The following DISC1 variants were observed in gnomAD, a reference collection of about 807,000 sequenced individuals.
DISC1 encodes disrupted in schizophrenia 1 protein.
A neutral mutation model predicts 84.5 loss-of-function variants in DISC1; 57 were observed. The observed-to-expected ratio is 0.67, with a 90% CI of 0.55 to 0.84. The LOEUF is 0.84. Among genes scored for constraint, DISC1 ranks in the 40% least tolerant of loss-of-function variants. DISC1 has a pLI of 0.00. For missense variants in DISC1, 1,000 were observed against 1,057.8 expected (o/e 0.95, Z 0.76); for synonymous variants, 411 against 415.2 (o/e 0.99, Z 0.12).
chr1:231,965,200 AAAT>A (rs1322536975), intron 10 of DISC1, among the ~76,000 whole-genome samples: 2 of 152,244 alleles, frequency 1.3e-5, no homozygotes, highest in Admixed American at 1.3e-4. Flanking sequence ...AAAAGTGGAC[AAAT>A]ATTACATGAG....
intron 7 of DISC1, among the ~76,000 whole-genome samples, chr1:231,797,979 AG>A (rs1442913374): frequency 6.6e-6 from 1 of 151,998 alleles, no homozygotes; most frequent in Non-Finnish European, 1.5e-5. Flanking sequence ...ATTAGTCCAC[AG>A]AGAATTAAAA....
intron 9 of DISC1, among the ~76,000 whole-genome samples, chr1:231,902,922 G>T (rs2088302905): frequency 6.6e-6 from 1 of 152,160 alleles, no homozygotes. Flanking sequence ...AATGAAGGAT[G>T]CTGAGCCTGT....
chr1:231,980,013 A>G (rs1663370235), intron 10 of DISC1, among the ~76,000 whole-genome samples: 2 of 152,208 alleles, frequency 1.3e-5, no homozygotes, highest in African/African-American at 4.8e-5. Context: ...ATTTTTAAGC[A>G]TATGTAACAC....
At chr1:231,702,061 A>G (rs375059537) in intron 3 of DISC1, 37 bp downstream of exon 3, 10 of 1,591,004 alleles carry the variant, frequency 6.3e-6, no homozygotes, top group African/African-American at 2.7e-5. Flanking sequence ...TTTTGTCATC[A>G]TGTCCCAATT....
At chr1:231,798,318 G>C (rs1453868773) in intron 7 of DISC1, among the ~76,000 whole-genome samples, 5 of 152,110 alleles carry the variant, frequency 3.3e-5, no homozygotes, top group Non-Finnish European at 7.4e-5. Flanking sequence ...GTAGATATTA[G>C]ATTACATCCA....
At chr1:231,832,735 A>G (rs1240103940) in intron 9 of DISC1, among the ~76,000 whole-genome samples, 1 of 146,216 alleles carries the variant, frequency 6.8e-6, no homozygotes, top group Non-Finnish European at 1.5e-5. Context: ...GGTATTGAGG[A>G]TAGGAGAGTA....
chr1:231,821,189 A>G (rs1026177365), intron 9 of DISC1, among the ~76,000 whole-genome samples: 10 of 152,210 alleles, frequency 6.6e-5, no homozygotes, highest in African/African-American at 2.4e-4. Flanking sequence ...AAAATGACAC[A>G]TGAATGAGTC....
intron 10 of DISC1, among the ~76,000 whole-genome samples, chr1:231,985,469 G>A (rs1049650734): frequency 1.3e-5 from 2 of 152,030 alleles, no homozygotes; most frequent in Middle Eastern, 3.2e-3. Context: ...CCTGCCATTC[G>A]TAGCAGCAGG....
At chr1:231,924,099 G>C (rs182546851) in intron 9 of DISC1, among the ~76,000 whole-genome samples, 2 of 152,138 alleles carry the variant, frequency 1.3e-5, no homozygotes, top group African/African-American at 4.8e-5. Context: ...TTGAATCACA[G>C]AATTTAAAGA....
intron 8 of DISC1, among the ~76,000 whole-genome samples, chr1:231,801,821 G>GTTT (rs1270795717): frequency 7.2e-6 from 1 of 139,480 alleles, no homozygotes; most frequent in South Asian, 2.3e-4. Context: ...AAGGATCTTG[G>GTTT]TTTTTTTTTT....
At chr1:231,699,816 A>T (rs2124863120) in intron 2 of DISC1, among the ~76,000 whole-genome samples, 1 of 152,276 alleles carries the variant, frequency 6.6e-6, no homozygotes, top group Admixed American at 6.5e-5. Context: ...TCTCTTCTTG[A>T]CACAGTCCTC....
At position 232,039,555 on chromosome 1, in the gene DISC1, G is replaced by A. The variant is rs1230359561; in HGVS notation, c.*2724G>A. The A allele has an allele frequency of 6.6e-6, 1 of 151,994 alleles. No individual in the cohort carries two copies. Among genetic ancestry groups the A allele is most frequent in the Non-Finnish European group, 1.5e-5 (1 of 68,020 alleles). 9.4% of individuals were successfully genotyped at this position (151,994 alleles called of 1,614,324 possible). ...TCTGTTGTCTTTGCTTGGTCTTAGA[G>A]TATCATTCAGAAAGTCCGCTAAGGG... On this transcript the variant is annotated 3_prime_UTR_variant, in exon 13 of 13. Transcript: ENST00000439617.
intron 9 of DISC1, among the ~76,000 whole-genome samples, chr1:231,914,299 G>A (rs1328540488): frequency 6.6e-6 from 1 of 152,248 alleles, no homozygotes; most frequent in African/African-American, 2.4e-5. Flanking sequence ...ATTGGATACT[G>A]TTGTGTCCCC....
At chr1:231,913,753 T>G (rs1430989886) in intron 9 of DISC1, among the ~76,000 whole-genome samples, 2 of 152,230 alleles carry the variant, frequency 1.3e-5, no homozygotes, top group Non-Finnish European at 2.9e-5. Context: ...CACAGCTTCC[T>G]TTGACAAGTA....
At chr1:231,747,329 C>T (rs1347275214) in intron 3 of DISC1, among the ~76,000 whole-genome samples, 1 of 152,122 alleles carries the variant, frequency 6.6e-6, no homozygotes, top group East Asian at 1.9e-4. Context: ...AAATCTTATT[C>T]ATAAAATGTT....
chr1:231,702,102 T>G (rs2066500812), intron 3 of DISC1, 78 bp downstream of exon 3: 1 of 1,536,108 alleles, frequency 6.5e-7, no homozygotes, highest in Non-Finnish European at 8.7e-7. Flanking sequence ...ATCTACCTTT[T>G]GAATCCCAAA....
intron 3 of DISC1, among the ~76,000 whole-genome samples, chr1:231,707,975 A>G (rs1370910867): frequency 2.6e-5 from 4 of 152,226 alleles, no homozygotes; most frequent in Non-Finnish European, 4.4e-5. Flanking sequence ...GTGAGTTTTC[A>G]GTTGTGTCAT....
chr1:231,916,547 C>T (rs3926789), intron 9 of DISC1, among the ~76,000 whole-genome samples: 117,487 of 147,982 alleles, frequency 0.79, 46,966 homozygotes, highest in East Asian at 0.91. Context: ...CCCAGCTACT[C>T]GGGAGGCTGA....
chr1:231,922,285 G>A (rs892325362), intron 9 of DISC1, among the ~76,000 whole-genome samples: 26 of 152,154 alleles, frequency 1.7e-4, no homozygotes, highest in African/African-American at 6.0e-4. Flanking sequence ...CTTAGATGTC[G>A]AGCTGCAGAG....
Sources: allele counts gnomAD v4.1 joint callset (sites outside exome capture counted in the v4.1 genomes callset), GRCh38; gene constraint gnomAD v4.1.1; transcripts MANE v1.5; gene names NCBI Gene and HGNC (gene_info 2026-07-23, HGNC 2026-07-21).